AMPH: variants seen among roughly 807,000 people sequenced by gnomAD.
The protein encoded by AMPH is amphiphysin (Stiff-Mann syndrome with breast cancer 128kD autoantigen).
In AMPH, 49 loss-of-function variants were observed where a neutral mutation model predicts 99.1. That is an observed-to-expected ratio of 0.49 (90% CI 0.39 to 0.63). AMPH has a LOEUF of 0.63. Ranked by LOEUF, AMPH falls within the 20% of genes least tolerant of loss-of-function variation. The probability of loss-of-function intolerance (pLI) is 0.00; values close to 1 mark genes in which losing one functional copy is unlikely to be tolerated. For synonymous variants in AMPH, 314 were observed against 317.3 expected (o/e 0.99, Z 0.11); for missense variants, 759 against 863.4 (o/e 0.88, Z 1.52).
At chr7:38,510,343 T>C (rs1789491079) in intron 2 of AMPH, among the ~76,000 whole-genome samples, 1 of 152,152 alleles carries the variant, frequency 6.6e-6, no homozygotes. Flanking sequence ...ATCACCTCCT[T>C]AATGGCCCTA....
intron 2 of AMPH, among the ~76,000 whole-genome samples, chr7:38,518,819 G>A (rs1421293567): frequency 6.6e-6 from 1 of 152,182 alleles, no homozygotes; most frequent in East Asian, 1.9e-4. Context: ...TGGAATAAAT[G>A]TATTTTGAAT....
intron 10 of AMPH, among the ~76,000 whole-genome samples, chr7:38,461,722 C>T (rs1224850414): frequency 6.6e-6 from 1 of 152,090 alleles, no homozygotes; most frequent in African/African-American, 2.4e-5. Context: ...AGGGCAATAC[C>T]CTCTTCTGAA....
intron 15 of AMPH, among the ~76,000 whole-genome samples, chr7:38,424,429 C>T (rs1785708340): frequency 6.6e-6 from 1 of 151,846 alleles, no homozygotes. Context: ...ATTCATGACA[C>T]AAGAAGAAGA....
intron 17 of AMPH, among the ~76,000 whole-genome samples, chr7:38,411,823 A>G (rs1785225379): frequency 6.6e-6 from 1 of 152,172 alleles, no homozygotes; most frequent in South Asian, 2.1e-4. Flanking sequence ...ATGACCAGGA[A>G]TGGTTTCAAT....
At chr7:38,544,341 G>A (rs1002730893) in intron 1 of AMPH, among the ~76,000 whole-genome samples, 7 of 152,152 alleles carry the variant, frequency 4.6e-5, no homozygotes, top group Non-Finnish European at 4.4e-5. Flanking sequence ...AAAGGCCAAA[G>A]AGGACATCCC....
chr7:38,627,893 G>A (rs1794313924), intron 1 of AMPH, among the ~76,000 whole-genome samples: 1 of 151,992 alleles, frequency 6.6e-6, no homozygotes, highest in Non-Finnish European at 1.5e-5. Context: ...GCCAGTTTGG[G>A]TTGAGCTTTC....
chr7:38,487,395 C>G (rs527685929), intron 5 of AMPH, among the ~76,000 whole-genome samples: 1 of 152,182 alleles, frequency 6.6e-6, no homozygotes, highest in Admixed American at 6.5e-5. Context: ...TGATCTTTGA[C>G]AAATCTGACA....
At chr7:38,417,349 G>A (rs1785418045) in intron 17 of AMPH, among the ~76,000 whole-genome samples, 1 of 152,212 alleles carries the variant, frequency 6.6e-6, no homozygotes, top group Admixed American at 6.5e-5. Flanking sequence ...AAATGGTGGT[G>A]CATATAGGAA....
chr7:38,427,084 C>T (rs1164220083), intron 14 of AMPH, 98 bp from the exon 15 acceptor site: 14 of 1,107,832 alleles, frequency 1.3e-5, no homozygotes, highest in Non-Finnish European at 1.9e-5. Flanking sequence ...TAAAGACTAT[C>T]ACAAGTTTTA....
At chr7:38,539,271 T>C (rs577657077) in intron 1 of AMPH, among the ~76,000 whole-genome samples, 11 of 152,200 alleles carry the variant, frequency 7.2e-5, no homozygotes, top group African/African-American at 2.2e-4. Context: ...CCAAGGGCTA[T>C]TAGTGGAATG....
At chr7:38,538,585 C>T (rs7778286) in intron 1 of AMPH, among the ~76,000 whole-genome samples, 66,134 of 151,970 alleles carry the variant, frequency 0.44, 14,443 homozygotes, top group Non-Finnish European at 0.46. Context: ...GAGGTCTGCA[C>T]TCCTTGGTGA....
chr7:38,583,988 C>T (rs1030654), intron 1 of AMPH, among the ~76,000 whole-genome samples: 42,853 of 152,100 alleles, frequency 0.28, 6,442 homozygotes, highest in Non-Finnish European at 0.34. Flanking sequence ...CATGTGTTTC[C>T]GGGGTTTAGA....
chr7:38,536,288 C>G (rs775353988), intron 1 of AMPH, among the ~76,000 whole-genome samples: 3 of 152,128 alleles, frequency 2.0e-5, no homozygotes, highest in Non-Finnish European at 4.4e-5. Context: ...AATACAAGAA[C>G]TCATTTTCCT....
At chr7:38,597,178 T>C (rs1395293864) in intron 1 of AMPH, among the ~76,000 whole-genome samples, 1 of 152,168 alleles carries the variant, frequency 6.6e-6, no homozygotes, top group Non-Finnish European at 1.5e-5. Context: ...ATGGTTTTCA[T>C]ACAATAAATA....
intron 1 of AMPH, among the ~76,000 whole-genome samples, chr7:38,610,271 AG>A (rs1584302143): frequency 7.3e-4 from 22 of 30,234 alleles, no homozygotes; most frequent in Admixed American, 2.0e-3. Flanking sequence ...AAAGAAAGAA[AG>A]AAAGAAAGAA....
In AMPH at chr7:38,510,676, T is replaced by C. The variant is rs1310769606; in HGVS notation, c.151-6972A>G. On this transcript the variant is annotated intron_variant, in intron 2 of 20. Transcript: ENST00000356264. ...GAATTGGAATTCAGGCAGGCTGAGTTATTTTAGCCGTATGATCCGCCTCAA... is the reference window on the plus strand; with the variant it reads ...GAATTGGAATTCAGGCAGGCTGAGTCATTTTAGCCGTATGATCCGCCTCAA... Among the ~76,000 whole-genome samples, 3 of 152,130 alleles carry C rather than the reference T, an allele frequency of 2.0e-5. No individual in the cohort carries two copies. In the East Asian group the frequency reaches 5.8e-4, roughly 29 times the overall value.
At chr7:38,502,166 A>G (rs758809888) in intron 3 of AMPH, among the ~76,000 whole-genome samples, 3 of 152,176 alleles carry the variant, frequency 2.0e-5, no homozygotes, top group Non-Finnish European at 2.9e-5. Context: ...TAAAAAACAT[A>G]TTAAGTTTTA....
intron 16 of AMPH, among the ~76,000 whole-genome samples, chr7:38,419,914 CT>C (rs964152181): frequency 3.3e-5 from 5 of 152,268 alleles, no homozygotes; most frequent in African/African-American, 1.2e-4. Context: ...GCACCAGAGT[CT>C]GGGTTTCTTA....
At chr7:38,549,282 C>T (rs187651257) in intron 1 of AMPH, among the ~76,000 whole-genome samples, 1 of 152,258 alleles carries the variant, frequency 6.6e-6, no homozygotes, top group Non-Finnish European at 1.5e-5. Flanking sequence ...TGTTGATTTT[C>T]CTCCATTGAG....
Sources: allele counts gnomAD v4.1 joint callset (sites outside exome capture counted in the v4.1 genomes callset), GRCh38; gene constraint gnomAD v4.1.1; transcripts MANE v1.5; gene names NCBI Gene and HGNC (gene_info 2026-07-23, HGNC 2026-07-21).